The following ROCK1 variants were observed in gnomAD, a reference collection of about 807,000 sequenced individuals.
ROCK1 encodes the protein Rho associated coiled-coil containing protein kinase 1.
In ROCK1, 36 loss-of-function variants were observed where a neutral mutation model predicts 196.8. The observed-to-expected ratio is 0.18, with a 90% CI of 0.14 to 0.24. The LOEUF (loss-of-function observed/expected upper bound fraction) is 0.24, where lower values mean the gene tolerates loss of function less well. Ranked by LOEUF, ROCK1 falls within the 10% of genes least tolerant of loss-of-function variation. The pLI is 1.00. For missense variants in ROCK1, 920 were observed against 1,562.0 expected (o/e 0.59, Z 6.93); for synonymous variants, 443 against 515.9 (o/e 0.86, Z 1.91).
At chr18:20,955,536 T>C (rs547322493) in intron 29 of ROCK1, 6 of 245,916 alleles carry the variant, frequency 2.4e-5, no homozygotes, top group South Asian at 8.4e-5. Context: ...AAAAAGAATA[T>C]GGCAATTTCT....
At chr18:21,072,226 T>C (rs912550515) in intron 1 of ROCK1, among the ~76,000 whole-genome samples, 3 of 152,212 alleles carry the variant, frequency 2.0e-5, no homozygotes, top group African/African-American at 7.2e-5. Context: ...ACTAATTACA[T>C]ATAGTCACTA....
chr18:20,957,635 C>A (rs1225471409), intron 29 of ROCK1, among the ~76,000 whole-genome samples: 2 of 152,000 alleles, frequency 1.3e-5, no homozygotes, highest in African/African-American at 4.8e-5. Context: ...CACCTGCCAC[C>A]ACGCCCAGCT....
In ROCK1 at chr18:21,058,402, A is replaced by C. The variant is rs146085167; in HGVS notation, c.176-8522T>G. 5.9e-5 allele frequency among the ~76,000 whole-genome samples: 9 copies of C among 152,294 alleles called. No homozygotes were observed. The East Asian group carries it at 1.7e-3, about 29-fold the overall frequency. On this transcript the variant is annotated intron_variant, in intron 2 of 32. Coordinates refer to ENST00000399799, the MANE Select transcript of ROCK1 (RefSeq NM_005406.3). ...TTCAAAAATGTTCAAAGTTTTTTTA[A>C]ATGTCACAATAGGTAAAATATCATA...
Position 21,040,320 on chromosome 18 carries a change from C to A in ROCK1, c.960-757G>T, listed in dbSNP as rs541563776. ...CCAGAAACACATTTAAAATTTTGAA[C>A]TTCCAATTTATAATCTATTAATTAT... On this transcript the variant is annotated intron_variant, in intron 8 of 32. Transcript: ENST00000399799. 2.6e-5 allele frequency among the ~76,000 whole-genome samples: 4 copies of A among 152,276 alleles called. No homozygotes were observed. In the South Asian group the frequency reaches 8.3e-4, roughly 32 times the overall value.
chr18:20,994,757 T>G (rs957595955), intron 16 of ROCK1, among the ~76,000 whole-genome samples: 2 of 152,156 alleles, frequency 1.3e-5, no homozygotes, highest in Non-Finnish European at 2.9e-5. Context: ...GTATAGTTTA[T>G]TTTCCTCATT....
chr18:21,077,936 C>T (rs575838312), intron 1 of ROCK1, among the ~76,000 whole-genome samples: 1 of 152,292 alleles, frequency 6.6e-6, no homozygotes, highest in East Asian at 1.9e-4. Context: ...ACCAAGACTT[C>T]AGTAATCACT....
intron 22 of ROCK1, among the ~76,000 whole-genome samples, chr18:20,976,706 CA>C (rs1403539296): frequency 6.6e-6 from 1 of 152,216 alleles, no homozygotes; most frequent in Non-Finnish European, 1.5e-5. Flanking sequence ...CAAAGACTAT[CA>C]AATCAGCTTC....
chr18:21,026,515 T>C lies in ROCK1; in HGVS notation c.1211+2261A>G, dbSNP rs537365672. Among the ~76,000 whole-genome samples the C allele has an allele frequency of 1.7e-3, 254 of 151,100 alleles. 2 individuals carry two copies. Among genetic ancestry groups the C allele is most frequent in the African/African-American group, 5.9e-3 (244 of 41,060 alleles). On this transcript the variant is annotated intron_variant, in intron 10 of 32. Transcript: ENST00000399799. ...ACCCTGAAGCTCTTCTGTATATGTA[T>C]GTTAATTGAATACAGTTATAATATT...
intron 2 of ROCK1, among the ~76,000 whole-genome samples, chr18:21,063,375 C>A (rs2143540233): frequency 6.6e-6 from 1 of 151,984 alleles, no homozygotes; most frequent in East Asian, 1.9e-4. Context: ...CCTAGATAAC[C>A]AAGAGGTTAG....
chr18:21,078,237 G>A (rs370954661), intron 1 of ROCK1, among the ~76,000 whole-genome samples: 8 of 152,142 alleles, frequency 5.3e-5, no homozygotes, highest in Non-Finnish European at 8.8e-5. Context: ...GCTAGGGTGC[G>A]AGAATCGTTT....
chr18:21,085,343 C>CAAAAA lies in ROCK1; in HGVS notation c.94-14735_94-14731dup, dbSNP rs369750551. ...CAGAGCAGCTTGGACAACCCCATTT[C>CAAAAA]AAAAAAAAAAAAAAGGCAAATTTCA... On this transcript the variant is annotated intron_variant, in intron 1 of 32. Transcript: ENST00000399799. Among the ~76,000 whole-genome samples, 278 of 78,022 alleles carry CAAAAA rather than the reference C, an allele frequency of 3.6e-3. 16 individuals carry two copies. The highest frequency in any genetic ancestry group is 4.7e-3 in the Non-Finnish European group (201 of 42,816). 51.2% of individuals were successfully genotyped at this position (78,022 alleles called of 152,430 possible).
chr18:21,032,037 G>A (rs1033122419), intron 9 of ROCK1, among the ~76,000 whole-genome samples: 1 of 152,046 alleles, frequency 6.6e-6, no homozygotes, highest in Admixed American at 6.6e-5. Flanking sequence ...GGAGAGAAAG[G>A]GGCAGAAAGA....
intron 2 of ROCK1, among the ~76,000 whole-genome samples, chr18:21,069,112 T>C (rs985367318): frequency 7.9e-5 from 12 of 152,144 alleles, no homozygotes; most frequent in African/African-American, 2.4e-4. Flanking sequence ...ATTCCCTTTA[T>C]TGGGGAAAGG....
chr18:21,006,967 G>A (rs940386916), intron 14 of ROCK1, among the ~76,000 whole-genome samples, 177 bp from the exon 15 acceptor site: 48 of 152,080 alleles, frequency 3.2e-4, no homozygotes, highest in Non-Finnish European at 2.9e-5. Flanking sequence ...TTAAAAAGTA[G>A]AACATTATCT....
intron 16 of ROCK1, among the ~76,000 whole-genome samples, chr18:21,001,465 T>C (rs2035723425): frequency 6.6e-6 from 1 of 152,192 alleles, no homozygotes; most frequent in African/African-American, 2.4e-5. Flanking sequence ...CAGCAAAAGC[T>C]GTTAGAAATA....
intron 21 of ROCK1, among the ~76,000 whole-genome samples, chr18:20,982,516 T>C (rs1337295414): frequency 6.6e-6 from 1 of 152,210 alleles, no homozygotes; most frequent in Non-Finnish European, 1.5e-5. Flanking sequence ...CCTCCCAAAG[T>C]GCTGGGATGA....
chr18:21,106,675 A>G (rs1184375440), intron 1 of ROCK1, among the ~76,000 whole-genome samples: 3 of 152,214 alleles, frequency 2.0e-5, no homozygotes, highest in African/African-American at 7.2e-5. Flanking sequence ...AAGAAAGACA[A>G]CCATTAGGAC....
intron 16 of ROCK1, 35 bp downstream of exon 16, chr18:21,006,316 T>TA (rs765262977): frequency 1.3e-6 from 2 of 1,511,798 alleles, no homozygotes; most frequent in Admixed American, 1.9e-5. Flanking sequence ...AATTTCATGT[T>TA]ACGTATATTT....
intron 22 of ROCK1, among the ~76,000 whole-genome samples, chr18:20,972,593 T>G (rs576591806): frequency 7.9e-5 from 12 of 152,272 alleles, no homozygotes; most frequent in Non-Finnish European, 1.3e-4. Flanking sequence ...GCCAGTTCAA[T>G]AAGGAAAATA....
Sources: allele counts gnomAD v4.1 joint callset (sites outside exome capture counted in the v4.1 genomes callset), GRCh38; gene constraint gnomAD v4.1.1; transcripts MANE v1.5; gene names NCBI Gene and HGNC (gene_info 2026-07-23, HGNC 2026-07-21).